LRRC7: variants seen among roughly 807,000 people sequenced by gnomAD.
The protein encoded by LRRC7 is leucine-rich repeat-containing protein 7.
LRRC7 carries 23 observed loss-of-function variants against 175.7 expected under a neutral mutation model. The observed-to-expected ratio is 0.13, with a 90% CI of 0.09 to 0.19. The LOEUF is 0.19. Ranked by LOEUF, LRRC7 falls within the 10% of genes least tolerant of loss-of-function variation. LRRC7 has a pLI of 1.00. For missense variants in LRRC7, 1,354 were observed against 1,904.7 expected (o/e 0.71, Z 5.38); for synonymous variants, 685 against 680.9 (o/e 1.01, Z -0.09).
At chr1:69,851,069 C>A (rs1682925944) in intron 7 of LRRC7, among the ~76,000 whole-genome samples, 1 of 151,934 alleles carries the variant, frequency 6.6e-6, no homozygotes, top group African/African-American at 2.4e-5. Flanking sequence ...CAGGTAGTGC[C>A]ACTGAAGCCT....
chr1:69,735,157 A>G (rs1197562262), intron 2 of LRRC7, among the ~76,000 whole-genome samples: 2 of 151,988 alleles, frequency 1.3e-5, no homozygotes, highest in African/African-American at 4.8e-5. Flanking sequence ...GTTTTCTATA[A>G]CAACATTATC....
intron 4 of LRRC7, among the ~76,000 whole-genome samples, chr1:69,808,107 T>A (rs1677353919): frequency 6.6e-6 from 1 of 151,714 alleles, no homozygotes; most frequent in South Asian, 2.1e-4. Context: ...GATACTTGTG[T>A]ATGCTTCACA....
At chr1:70,020,291 A>G (rs1279034634) in intron 15 of LRRC7, among the ~76,000 whole-genome samples, 1 of 151,986 alleles carries the variant, frequency 6.6e-6, no homozygotes, top group Non-Finnish European at 1.5e-5. Context: ...ATAATGTTGC[A>G]AAGAAGATAT....
rs1000593231 is a variant in LRRC7 at position 70,129,127 on chromosome 1, A to G, written c.*7240A>G. Among the ~76,000 whole-genome samples, 1 of 151,916 alleles carries G rather than the reference A, an allele frequency of 6.6e-6. No homozygotes were observed. Among genetic ancestry groups the G allele is most frequent in the Admixed American group, 6.6e-5 (1 of 15,260 alleles). The stretch of plus-strand genomic sequence containing the variant: ...CCGGGCATTGTGGCGCGCACCTGTA[A>G]TCCTAGTTACTGGGGAGGCTGAGGC... On this transcript the variant is annotated 3_prime_UTR_variant, in exon 27 of 27. Coordinates refer to ENST00000651989, the MANE Select transcript of LRRC7 (RefSeq NM_001370785.2).
intron 3 of LRRC7, among the ~76,000 whole-genome samples, chr1:69,775,010 T>G (rs747391302): frequency 1.3e-5 from 2 of 152,124 alleles, no homozygotes; most frequent in African/African-American, 4.8e-5. Flanking sequence ...AACTGAGATA[T>G]TTTTATTTAA....
chr1:70,037,663 G>A (rs1436855603), intron 20 of LRRC7, among the ~76,000 whole-genome samples: 2 of 152,120 alleles, frequency 1.3e-5, no homozygotes, highest in African/African-American at 4.8e-5. Flanking sequence ...CTCCAGGAAT[G>A]GGTATCAGGA....
chr1:69,615,391 A>G (rs182870388), intron 1 of LRRC7, among the ~76,000 whole-genome samples: 3 of 152,132 alleles, frequency 2.0e-5, no homozygotes, highest in Admixed American at 1.3e-4. Context: ...TAATAGAAGC[A>G]GGGACTGGTG....
chr1:70,108,878 G>A (rs1665323428), intron 26 of LRRC7, among the ~76,000 whole-genome samples: 1 of 152,190 alleles, frequency 6.6e-6, no homozygotes, highest in East Asian at 1.9e-4. Flanking sequence ...TATCTCCAAT[G>A]TACTGCGTTC....
Position 70,131,109 on chromosome 1 carries a change from G to A in LRRC7, c.*9222G>A, listed in dbSNP as rs1259190363. On this transcript the variant is annotated 3_prime_UTR_variant, in exon 27 of 27. Transcript: ENST00000651989. The stretch of plus-strand genomic sequence containing the variant: ...ATTGATATGATTAACTATTTAGATA[G>A]AGCACAGAAAAAAAATCAGGGTTAC... 1.3e-5 allele frequency among the ~76,000 whole-genome samples: 2 copies of A among 152,058 alleles called. No individual in the cohort carries two copies. The highest frequency in any genetic ancestry group is 4.8e-5 in the African/African-American group (2 of 41,408).
chr1:69,825,923 T>A (rs552673632), intron 5 of LRRC7, 97 bp downstream of exon 5: 5 of 688,488 alleles, frequency 7.3e-6, no homozygotes, highest in Middle Eastern at 3.6e-4. Context: ...TAAATTTAAA[T>A]GTAGCATTGA....
At chr1:69,746,562 T>C (rs1264338) in intron 2 of LRRC7, among the ~76,000 whole-genome samples, 126,620 of 152,074 alleles carry the variant, frequency 0.83, 53,105 homozygotes, top group East Asian at 0.93. Context: ...AAAATTTATA[T>C]ATTTGCTTTG....
intron 1 of LRRC7, among the ~76,000 whole-genome samples, chr1:69,579,703 TCTC>T (rs1337755530): frequency 1.3e-5 from 2 of 152,044 alleles, no homozygotes; most frequent in Admixed American, 1.3e-4. Context: ...AATTCCTTCT[TCTC>T]CTCCTTTCTG....
chr1:70,084,985 A>G (rs1663491224), intron 24 of LRRC7, among the ~76,000 whole-genome samples: 1 of 152,036 alleles, frequency 6.6e-6, no homozygotes, highest in South Asian at 2.1e-4. Context: ...CCTATTTTTA[A>G]ATTTGGATGT....
intron 1 of LRRC7, among the ~76,000 whole-genome samples, chr1:69,605,219 AG>A (rs1180761025): frequency 6.6e-6 from 1 of 152,104 alleles, no homozygotes; most frequent in Non-Finnish European, 1.5e-5. Context: ...TATAAAGGGG[AG>A]TCCCCCTACA....
intron 1 of LRRC7, among the ~76,000 whole-genome samples, chr1:69,660,548 T>C (rs148040873): frequency 5.3e-5 from 8 of 152,070 alleles, no homozygotes; most frequent in Admixed American, 2.6e-4. Context: ...AGAATGTTGA[T>C]GTAGGAGTGG....
At position 69,882,571 on chromosome 1, in the gene LRRC7, C is replaced by A. The variant is rs184892021; in HGVS notation, c.647+44288C>A. Among the ~76,000 whole-genome samples, 73 of 151,390 alleles carry A rather than the reference C, an allele frequency of 4.8e-4. 2 individuals are homozygous for A. Among genetic ancestry groups the A allele is most frequent in the African/African-American group, 1.6e-3 (66 of 41,286 alleles). ...TTTAGCCTTAAAAACAGAGATTCTA[C>A]CATTTGTAACAACATGGATGAAACT... On this transcript the variant is annotated intron_variant, in intron 7 of 26. Transcript: ENST00000651989.
At chr1:69,903,197 T>C (rs528256237) in intron 7 of LRRC7, among the ~76,000 whole-genome samples, 1 of 152,296 alleles carries the variant, frequency 6.6e-6, no homozygotes, top group East Asian at 1.9e-4. Context: ...GATGGTTGAA[T>C]AGGAACAGCT....
intron 1 of LRRC7, among the ~76,000 whole-genome samples, chr1:69,608,844 CTCTCTCTCTCTCTCTCTCTCTCTATATA>C (rs1193370400): frequency 0.012 from 584 of 49,378 alleles, 3 homozygotes; most frequent in African/African-American, 0.046. Flanking sequence ...CTCTCTCTCT[CTCTCTCTCTCTCTCTCTCTCTCTATATA>C]TATATATATA....
intron 5 of LRRC7, among the ~76,000 whole-genome samples, chr1:69,832,426 A>G (rs1161335140): frequency 1.3e-5 from 2 of 152,198 alleles, no homozygotes; most frequent in Non-Finnish European, 2.9e-5. Context: ...CAACAAAATT[A>G]TAAAGGCAGG....
Sources: gnomAD v4.1 joint callset for allele counts (sites outside exome capture counted in the v4.1 genomes callset) on GRCh38, gnomAD v4.1.1 for gene constraint, MANE v1.5 for transcripts, NCBI Gene and HGNC (gene_info 2026-07-23, HGNC 2026-07-21) for gene names.